The following PCDHA10 variants were observed in gnomAD, a reference collection of about 807,000 sequenced individuals.
The protein encoded by PCDHA10 is protocadherin alpha 10.
A neutral mutation model predicts 61.2 loss-of-function variants in PCDHA10; 45 were observed. That is an observed-to-expected ratio of 0.74 (90% confidence interval 0.58 to 0.94). PCDHA10 has a LOEUF of 0.94. Ranked by LOEUF, PCDHA10 falls within the 40% of genes least tolerant of loss-of-function variation. The probability of loss-of-function intolerance (pLI) is 0.00; values close to 1 mark genes in which losing one functional copy is unlikely to be tolerated. For missense variants in PCDHA10, 1,278 were observed against 1,236.2 expected (o/e 1.03, Z -0.51); for synonymous variants, 602 against 548.8 (o/e 1.10, Z -1.35).
At chr5:140,871,596 C>G in intron 1 of PCDHA10, 2 of 1,453,962 alleles carry the variant, frequency 1.4e-6, no homozygotes, top group South Asian at 2.9e-5. Flanking sequence ...TATGAATAAC[C>G]AGTGTTTTGA....
At chr5:140,992,643 A>C (rs1215653539) in intron 3 of PCDHA10, among the ~76,000 whole-genome samples, 1 of 152,148 alleles carries the variant, frequency 6.6e-6, no homozygotes. Context: ...CCTGGAAAAT[A>C]GAAGAAAGAG....
rs1554150982 is a variant in PCDHA10 at position 140,857,985 on chromosome 5, T to C, written c.1937T>C (p.Leu646Pro). ...GAGACTGACTCGCCACGCCAGCGCC[T>C]ACTGGTGCTGGTGAAGGACCATGGC... ...LDETDSPRQR[L>P]LVLVKDHGEP... Residue 646 changes from leucine to proline, a missense_variant, in exon 1 of 4, where the codon CTA becomes CCA. Coordinates refer to ENST00000307360, the MANE Select transcript of PCDHA10 (RefSeq NM_018901.4). 2.5e-6 allele frequency: 4 copies of C among 1,596,676 alleles called. No homozygotes were observed. The highest frequency in any genetic ancestry group is 2.2e-5 in the South Asian group (2 of 90,476).
At chr5:140,977,461 G>A (rs1554238575) in intron 1 of PCDHA10, among the ~76,000 whole-genome samples, 1 of 152,120 alleles carries the variant, frequency 6.6e-6, no homozygotes, top group African/African-American at 2.4e-5. Context: ...CTTTGATTTG[G>A]TCTGTAGATA....
intron 1 of PCDHA10, chr5:140,926,562 C>CT (rs1271947865): frequency 1.6e-5 from 4 of 250,352 alleles, no homozygotes; most frequent in African/African-American, 8.9e-5. Context: ...CAGCCCGCTG[C>CT]TACTGGAGAC....
intron 3 of PCDHA10, among the ~76,000 whole-genome samples, chr5:140,997,131 C>G (rs577407385): frequency 6.6e-6 from 1 of 152,008 alleles, no homozygotes; most frequent in Admixed American, 6.6e-5. Flanking sequence ...ACACAATGCC[C>G]CCACACCCCC....
chr5:140,884,276 G>A (rs2060082773), intron 1 of PCDHA10: 4 of 1,613,638 alleles, frequency 2.5e-6, no homozygotes, highest in East Asian at 2.2e-5. Flanking sequence ...GTTGTCGCTG[G>A]TGGAGAGCGG....
Position 140,863,280 on chromosome 5 carries a change from C to T in PCDHA10, c.2388+4844C>T, listed in dbSNP as rs782682336. The T allele has an allele frequency of 3.4e-6, 5 of 1,461,684 alleles. No individual in the cohort carries two copies. The African/African-American group carries it at 5.7e-5, about 17-fold the overall frequency. 90.5% of individuals were successfully genotyped at this position (1,461,684 alleles called of 1,614,324 possible). A position where few individuals can be genotyped will look rare whatever the true frequency, so the allele number is the denominator to read the frequency against. On this transcript the variant is annotated intron_variant, in intron 1 of 3. Coordinates refer to ENST00000307360, the MANE Select transcript of PCDHA10 (RefSeq NM_018901.4). ...TCCGGGAGGCAGCGCTGGTGGATGT[C>T]AACGTGTACCTGATCATCGCCATCT...
chr5:140,986,073 G>A (rs1428668406), intron 3 of PCDHA10, among the ~76,000 whole-genome samples: 1 of 152,176 alleles, frequency 6.6e-6, no homozygotes, highest in East Asian at 1.9e-4. Context: ...TAAAGAAACT[G>A]TTCATTTATT....
chr5:140,976,927 G>A (rs1322531610), intron 1 of PCDHA10, among the ~76,000 whole-genome samples: 2 of 152,184 alleles, frequency 1.3e-5, no homozygotes, highest in Admixed American at 1.3e-4. Context: ...CTAGTACTGT[G>A]TAGCTACTTA....
intron 1 of PCDHA10, 168 bp from the exon 2 acceptor site, chr5:140,978,781 A>G (rs4461687): frequency 4.1e-6 from 4 of 969,772 alleles, no homozygotes; most frequent in South Asian, 4.8e-5. Context: ...ATTTTCTTCT[A>G]AAGTGCTATA....
intron 1 of PCDHA10, among the ~76,000 whole-genome samples, chr5:140,933,870 T>C (rs2089481018): frequency 6.6e-6 from 1 of 152,092 alleles, no homozygotes. Context: ...CAGATATATG[T>C]TAGTTTTATC....
intron 3 of PCDHA10, among the ~76,000 whole-genome samples, chr5:140,995,267 C>A (rs552857413): frequency 6.6e-6 from 1 of 152,074 alleles, no homozygotes; most frequent in Admixed American, 6.5e-5. Context: ...GAATACAAGC[C>A]CTTTGATACC....
intron 1 of PCDHA10, among the ~76,000 whole-genome samples, chr5:140,878,995 A>G (rs2057802646): frequency 6.6e-6 from 1 of 152,246 alleles, no homozygotes; most frequent in South Asian, 2.1e-4. Context: ...AAATGAGAGT[A>G]TGCCCTAGAA....
intron 1 of PCDHA10, chr5:140,869,228 G>A (rs782726206): frequency 6.2e-7 from 1 of 1,613,764 alleles, no homozygotes; most frequent in Non-Finnish European, 8.5e-7. Context: ...GCCAAACACG[G>A]CACCTTCGTG....
chr5:140,909,437 C>T (rs2074495257), intron 1 of PCDHA10, among the ~76,000 whole-genome samples: 1 of 152,198 alleles, frequency 6.6e-6, no homozygotes, highest in African/African-American at 2.4e-5. Flanking sequence ...TGATAATCCA[C>T]TGTCATTCTC....
intron 1 of PCDHA10, among the ~76,000 whole-genome samples, chr5:140,944,227 G>A (rs1472509213): frequency 6.6e-6 from 1 of 152,046 alleles, no homozygotes; most frequent in Non-Finnish European, 1.5e-5. Flanking sequence ...TTACTCTGTC[G>A]CTCAGGCTGG....
intron 1 of PCDHA10, among the ~76,000 whole-genome samples, chr5:140,873,027 A>C (rs2054049034): frequency 6.6e-6 from 1 of 152,184 alleles, no homozygotes; most frequent in South Asian, 2.1e-4. Flanking sequence ...TATTCTTACT[A>C]CACGTAGAGT....
chr5:140,882,346 G>A (rs146510190), intron 1 of PCDHA10: 86 of 1,614,078 alleles, frequency 5.3e-5, no homozygotes, highest in African/African-American at 9.3e-5. Flanking sequence ...CCTGGGAGAC[G>A]GGTAGTGGCC....
Position 140,924,886 on chromosome 5 carries a change from A to C in PCDHA10, c.2389-54063A>C, listed in dbSNP as rs190850675. ...CTCCAGCCTGGGTGACAGAGCAAGAACCTGTCTCAAAAAAAAAAATAAAAT... is the reference window on the plus strand; with the variant it reads ...CTCCAGCCTGGGTGACAGAGCAAGACCCTGTCTCAAAAAAAAAAATAAAAT... On this transcript the variant is annotated intron_variant, in intron 1 of 3. Transcript: ENST00000307360. Among the ~76,000 whole-genome samples, 1,191 of 137,252 alleles carry C rather than the reference A, an allele frequency of 8.7e-3. 7 individuals carry two copies. Among genetic ancestry groups the C allele is most frequent in the African/African-American group, 0.022 (767 of 35,510 alleles). The allele number at this position is 137,252 out of a possible 152,430, so 90.0% of individuals were successfully genotyped here.
Sources: gnomAD v4.1 joint callset for allele counts (sites outside exome capture counted in the v4.1 genomes callset) on GRCh38, gnomAD v4.1.1 for gene constraint, MANE v1.5 for transcripts, NCBI Gene and HGNC (gene_info 2026-07-23, HGNC 2026-07-21) for gene names.